Variants in CPE observed in about 807,000 individuals in gnomAD.
The protein encoded by CPE is carboxypeptidase E.
A neutral mutation model predicts 53.5 loss-of-function variants in CPE; 17 were observed. The ratio of observed to expected loss-of-function variants is 0.32; its 90% CI spans 0.22 to 0.48. CPE has a LOEUF of 0.48. Among genes scored for constraint, CPE ranks in the 20% least tolerant of loss-of-function variants. The pLI, the probability that CPE is intolerant of heterozygous loss-of-function variation, is 0.99. For synonymous variants in CPE, 226 were observed against 228.8 expected, an observed-to-expected ratio of 0.99 and a Z score of 0.11; for missense variants, 524 against 614.7, an observed-to-expected ratio of 0.85 and a Z score of 1.56.
intron 1 of CPE, among the ~76,000 whole-genome samples, chr4:165,455,654 T>C (rs1230307972): frequency 1.4e-5 from 2 of 137,934 alleles, no homozygotes; most frequent in African/African-American, 6.5e-5. Context: ...AAGTCAAAGG[T>C]ATTTTTTTTT....
At chr4:165,388,941 A>G (rs1730639591) in intron 1 of CPE, among the ~76,000 whole-genome samples, 1 of 152,128 alleles carries the variant, frequency 6.6e-6, no homozygotes, top group South Asian at 2.1e-4. Flanking sequence ...GTTAAGCCAG[A>G]TTTTCAACAT....
intron 1 of CPE, chr4:165,404,951 T>C (rs1470773928): frequency 2.6e-6 from 2 of 758,468 alleles, no homozygotes; most frequent in African/African-American, 1.7e-5. Flanking sequence ...AAAGACGTAG[T>C]GATCTGGAAT....
At chr4:165,480,898 T>G (rs1732394932) in intron 3 of CPE, among the ~76,000 whole-genome samples, 1 of 151,552 alleles carries the variant, frequency 6.6e-6, no homozygotes, top group African/African-American at 2.4e-5. Context: ...AAAAGAGATA[T>G]ATACAAATGT....
chr4:165,387,874 G>A (rs531546949), intron 1 of CPE, among the ~76,000 whole-genome samples: 16 of 152,192 alleles, frequency 1.1e-4, no homozygotes, highest in African/African-American at 3.1e-4. Context: ...TGCCCGCCTC[G>A]GTCTCCCAAA....
intron 1 of CPE, among the ~76,000 whole-genome samples, chr4:165,411,310 T>C (rs1731039053): frequency 6.6e-6 from 1 of 152,214 alleles, no homozygotes. Context: ...ATACAACTTT[T>C]TCTTTTTCAA....
At chr4:165,470,072 T>G (rs1447722882) in intron 3 of CPE, among the ~76,000 whole-genome samples, 1 of 152,162 alleles carries the variant, frequency 6.6e-6, no homozygotes, top group Non-Finnish European at 1.5e-5. Flanking sequence ...AATTCTTGCC[T>G]CCTCAGAAGA....
intron 1 of CPE, chr4:165,405,692 G>T (rs7680390): frequency 3.9e-5 from 31 of 804,012 alleles, no homozygotes; most frequent in East Asian, 2.6e-4. Flanking sequence ...AGTCCTGGTC[G>T]CAGAGATTCC....
chr4:165,420,607 G>A (rs762997327), intron 1 of CPE, among the ~76,000 whole-genome samples: 1 of 151,730 alleles, frequency 6.6e-6, no homozygotes, highest in Non-Finnish European at 1.5e-5. Flanking sequence ...TGTATACAGT[G>A]TTGGTACTTT....
chr4:165,387,981 C>T (rs1167165042), intron 1 of CPE, among the ~76,000 whole-genome samples: 3 of 152,312 alleles, frequency 2.0e-5, no homozygotes, highest in South Asian at 4.1e-4. Context: ...CAATAATTAT[C>T]GCATTTATTT....
chr4:165,446,637 T>C (rs964826125), intron 1 of CPE, among the ~76,000 whole-genome samples: 1 of 152,306 alleles, frequency 6.6e-6, no homozygotes, highest in East Asian at 1.9e-4. Flanking sequence ...CATGAGCCAC[T>C]GCGCCCGGCC....
At chr4:165,390,017 C>T (rs957207612) in intron 1 of CPE, among the ~76,000 whole-genome samples, 11 of 152,266 alleles carry the variant, frequency 7.2e-5, no homozygotes, top group African/African-American at 2.4e-4. Flanking sequence ...GAATGAATGA[C>T]ACACATATTA....
intron 1 of CPE, among the ~76,000 whole-genome samples, chr4:165,409,866 G>T (rs964185234): frequency 2.0e-5 from 3 of 152,126 alleles, no homozygotes; most frequent in Admixed American, 6.5e-5. Flanking sequence ...TCTCAGGATT[G>T]TGTGCCAGTT....
chr4:165,473,222 A>G (rs1031734981), intron 3 of CPE, among the ~76,000 whole-genome samples: 5 of 152,228 alleles, frequency 3.3e-5, no homozygotes, highest in Non-Finnish European at 5.9e-5. Flanking sequence ...ATTTGTCCCA[A>G]ACATTCCTCT....
At chr4:165,433,515 G>A (rs1397771026) in intron 1 of CPE, among the ~76,000 whole-genome samples, 1 of 151,958 alleles carries the variant, frequency 6.6e-6, no homozygotes, top group Non-Finnish European at 1.5e-5. Context: ...TTCATTCTCC[G>A]CACCAGGTGT....
chr4:165,469,306 G>A (rs970717046), intron 3 of CPE, among the ~76,000 whole-genome samples: 2 of 152,110 alleles, frequency 1.3e-5, no homozygotes, highest in Non-Finnish European at 2.9e-5. Flanking sequence ...GCTTTCATAT[G>A]TCCCCTACAT....
At chr4:165,441,583 C>A (rs753613657) in intron 1 of CPE, among the ~76,000 whole-genome samples, 3 of 152,100 alleles carry the variant, frequency 2.0e-5, no homozygotes, top group Admixed American at 1.3e-4. Flanking sequence ...TCCACGAGAT[C>A]CTGGTTCCAA....
chr4:165,462,105 AT>A (rs1469196018), intron 1 of CPE, among the ~76,000 whole-genome samples: 1 of 152,238 alleles, frequency 6.6e-6, no homozygotes, highest in East Asian at 1.9e-4. Context: ...AAATCTGCAG[AT>A]TTGAAGAGAA....
At chr4:165,495,151 G>A (rs1732684800) in intron 7 of CPE, among the ~76,000 whole-genome samples, 1 of 152,130 alleles carries the variant, frequency 6.6e-6, no homozygotes, top group Non-Finnish European at 1.5e-5. Flanking sequence ...ATCCTACAAG[G>A]GCTACCTTTG....
chr4:165,459,684 C>T (rs7654292), intron 1 of CPE, among the ~76,000 whole-genome samples: 3 of 88,454 alleles, frequency 3.4e-5, no homozygotes, highest in African/African-American at 1.2e-4. Flanking sequence ...TGGGGGGGGG[C>T]GGGGCAGATC....
Sources: gnomAD v4.1 joint callset for allele counts (sites outside exome capture counted in the v4.1 genomes callset) on GRCh38, gnomAD v4.1.1 for gene constraint, MANE v1.5 for transcripts, NCBI Gene and HGNC (gene_info 2026-07-23, HGNC 2026-07-21) for gene names.